Variants in IPPK observed in about 807,000 individuals in gnomAD.
IPPK encodes inositol-pentakisphosphate 2-kinase.
IPPK carries 22 observed loss-of-function variants against 64.6 expected under a neutral mutation model. The observed-to-expected ratio is 0.34, with a 90% CI of 0.24 to 0.49. IPPK has a LOEUF of 0.49. IPPK is among the 20% of genes least tolerant of loss of function. The pLI is 0.99. For missense variants in IPPK, 532 were observed against 630.7 expected (o/e 0.84, Z 1.68); for synonymous variants, 262 against 247.2 (o/e 1.06, Z -0.56).
intron 6 of IPPK, among the ~76,000 whole-genome samples, chr9:92,643,534 A>G (rs561823621): frequency 6.6e-6 from 1 of 152,214 alleles, no homozygotes; most frequent in East Asian, 1.9e-4. Flanking sequence ...ACCAAAATTT[A>G]TTCAAGGAAA....
At chr9:92,656,110 T>C (rs557505493) in intron 3 of IPPK, among the ~76,000 whole-genome samples, 1 of 152,144 alleles carries the variant, frequency 6.6e-6, no homozygotes, top group South Asian at 2.1e-4. Context: ...CACCCTCCCA[T>C]GTAGGGCCTC....
chr9:92,627,039 AG>A (rs1229385123), intron 11 of IPPK, among the ~76,000 whole-genome samples: 2 of 152,172 alleles, frequency 1.3e-5, no homozygotes, highest in Non-Finnish European at 2.9e-5. Flanking sequence ...CCCTTCACTA[AG>A]ATAGCTTCTA....
At chr9:92,650,777 G>A (rs1156637181) in intron 4 of IPPK, among the ~76,000 whole-genome samples, 1 of 152,194 alleles carries the variant, frequency 6.6e-6, no homozygotes, top group East Asian at 1.9e-4. Flanking sequence ...GGAACTTGAA[G>A]AGGAGGGGGC....
chr9:92,663,022 T>C (rs1852518170), intron 1 of IPPK, among the ~76,000 whole-genome samples: 1 of 152,132 alleles, frequency 6.6e-6, no homozygotes, highest in Non-Finnish European at 1.5e-5. Context: ...AACGCAACAC[T>C]GGGAACACGT....
chr9:92,669,917 G>T lies in IPPK; in HGVS notation c.72C>A (p.Ala24=). 1.2e-6 allele frequency: 2 copies of T among 1,611,566 alleles called. No homozygotes were observed. The highest frequency in any genetic ancestry group is 1.7e-6 in the Non-Finnish European group (2 of 1,178,672). The change falls in exon 1 of 13, where the codon GCC becomes GCA. Residue 24 remains alanine (A), a synonymous_variant. Transcript: ENST00000287996. ...HGEGNKSLVV[A]HAQRCVVLRF... ...CACGTCCACCGCTCACCTGCGCGTG[G>T]GCCACCACCAGGCTCTTATTGCCCT...
chr9:92,648,356 G>A (rs1852190831), intron 5 of IPPK, among the ~76,000 whole-genome samples: 1 of 152,204 alleles, frequency 6.6e-6, no homozygotes, highest in East Asian at 1.9e-4. Flanking sequence ...CCCACGGCCG[G>A]AACTCTCACT....
intron 1 of IPPK, among the ~76,000 whole-genome samples, chr9:92,665,092 A>T (rs1852567012): frequency 6.6e-6 from 1 of 152,228 alleles, no homozygotes; most frequent in African/African-American, 2.4e-5. Context: ...CAATGAGCTC[A>T]AATGAGACAA....
In IPPK at chr9:92,635,128, C is replaced by G. The variant is rs1207412874; in HGVS notation, c.1067+30G>C. On this transcript the variant is annotated intron_variant, in intron 10 of 12. Coordinates refer to ENST00000287996, the MANE Select transcript of IPPK (RefSeq NM_022755.6). This position sits in a 1 kb window ranked among gnomAD's most constrained non-coding sequence, Gnocchi z 4.4. The stretch of plus-strand genomic sequence containing the variant: ...CCACTCCCACAGTCTCCTCTCAGGG[C>G]TGCCCAACAGGGGGACCGCCCGACC... 3 of 1,594,384 alleles carry G rather than the reference C, an allele frequency of 1.9e-6. No individual in the cohort carries two copies. Among genetic ancestry groups the G allele is most frequent in the South Asian group, 2.2e-5 (2 of 89,050 alleles).
At chr9:92,641,520 T>A (rs1306155638) in intron 7 of IPPK, among the ~76,000 whole-genome samples, 1 of 152,234 alleles carries the variant, frequency 6.6e-6, no homozygotes, top group Non-Finnish European at 1.5e-5. Flanking sequence ...TACTGAATGC[T>A]TCACAATTCA....
chr9:92,627,443 G>A (rs894090035), intron 11 of IPPK, among the ~76,000 whole-genome samples: 2 of 152,124 alleles, frequency 1.3e-5, no homozygotes, highest in African/African-American at 4.8e-5. Context: ...ATGGATATGA[G>A]AATCCTCAAT....
intron 11 of IPPK, among the ~76,000 whole-genome samples, chr9:92,623,988 CACTT>C (rs1177520004): frequency 1.3e-5 from 2 of 152,202 alleles, no homozygotes; most frequent in Non-Finnish European, 2.9e-5. Context: ...ACTAAGTCCT[CACTT>C]AATGTTGTCA....
At chr9:92,641,205 G>A (rs1269727436) in intron 7 of IPPK, among the ~76,000 whole-genome samples, 4 of 152,196 alleles carry the variant, frequency 2.6e-5, no homozygotes, top group Non-Finnish European at 2.9e-5. Flanking sequence ...GATGGGCCAC[G>A]AAGGGAGTGC....
Position 92,638,400 on chromosome 9 carries a change from AC to A in IPPK, c.637-121del, listed in dbSNP as rs545816404. ...AAAGCCAAGGGCCCTGATGCTGTCC[AC>A]CCAATCTGGGGCCGCTGCATACTCC... On this transcript the variant is annotated intron_variant, in intron 8 of 12. Coordinates refer to ENST00000287996, the MANE Select transcript of IPPK (RefSeq NM_022755.6). 140 of 1,166,642 alleles carry A rather than the reference AC, an allele frequency of 1.2e-4. No individual in the cohort carries two copies. In the South Asian group the frequency reaches 2.0e-3, roughly 16 times the overall value. The allele number at this position is 1,166,642 out of a possible 1,614,324, so 72.3% of individuals were successfully genotyped here. A position where few individuals can be genotyped will look rare whatever the true frequency, so the allele number is the denominator to read the frequency against.
At position 92,638,292 on chromosome 9, in the gene IPPK, GA is replaced by G. The variant is rs749096832; in HGVS notation, c.637-13del. 1.2e-6 allele frequency: 2 copies of G among 1,607,046 alleles called. No homozygotes were observed. Among genetic ancestry groups the G allele is most frequent in the Non-Finnish European group, 8.5e-7 (1 of 1,174,678 alleles). Reference sequence around the variant, plus strand: ...ATCAGCTCACCATTCTTCAGACAGGGAAAAGAAAGAGGGAAACGTCAAACCA... The same window carrying G: ...ATCAGCTCACCATTCTTCAGACAGGGAAAGAAAGAGGGAAACGTCAAACCA... On this transcript the variant is annotated splice_polypyrimidine_tract_variant and intron_variant, in intron 8 of 12. Transcript: ENST00000287996.
intron 8 of IPPK, among the ~76,000 whole-genome samples, chr9:92,639,915 G>A (rs12337725): frequency 1.5e-3 from 234 of 152,304 alleles, no homozygotes; most frequent in Non-Finnish European, 2.9e-3. Context: ...ACTGCTGAGA[G>A]GCAGCCAGCC....
chr9:92,655,979 C>T (rs778977943), intron 3 of IPPK, among the ~76,000 whole-genome samples: 12 of 152,134 alleles, frequency 7.9e-5, no homozygotes, highest in Non-Finnish European at 1.8e-4. Context: ...CCAGCACAGG[C>T]GGCAACACCC....
intron 11 of IPPK, chr9:92,619,770 G>T (rs1344299625): frequency 1.0e-5 from 6 of 588,592 alleles, no homozygotes; most frequent in Non-Finnish European, 6.1e-6. Context: ...CCACGGGGCT[G>T]CTCAGAGGCC....
At chr9:92,668,068 G>T (rs1852637459) in intron 1 of IPPK, among the ~76,000 whole-genome samples, 1 of 152,134 alleles carries the variant, frequency 6.6e-6, no homozygotes, top group African/African-American at 2.4e-5. Flanking sequence ...AGGAGTTGGA[G>T]ACCAGCCTGG....
At chr9:92,659,562 A>T (rs1852439320) in intron 1 of IPPK, among the ~76,000 whole-genome samples, 3 of 152,122 alleles carry the variant, frequency 2.0e-5, no homozygotes, top group Admixed American at 2.0e-4. Flanking sequence ...TATATGTAGG[A>T]GGAGAATGCG....
Sources: gnomAD v4.1 joint callset for allele counts (sites outside exome capture counted in the v4.1 genomes callset) on GRCh38, gnomAD v4.1.1 for gene constraint, Gnocchi (gnomAD v3.1) non-coding constraint, MANE v1.5 for transcripts, NCBI Gene and HGNC (gene_info 2026-07-23, HGNC 2026-07-21) for gene names.